Variants in SHLD2 observed in about 807,000 individuals in gnomAD.
SHLD2 encodes RINN1-REV7-interacting novel NHEJ regulator 2.
Under a neutral mutation model 73.2 loss-of-function variants are expected in SHLD2, and 30 were observed. That is an observed-to-expected ratio of 0.41 (90% CI 0.31 to 0.56). The LOEUF (loss-of-function observed/expected upper bound fraction) is 0.56. Among genes scored for constraint, SHLD2 ranks in the 20% least tolerant of loss-of-function variants. The pLI is 0.28. For synonymous variants in SHLD2, 285 were observed against 370.1 expected, an observed-to-expected ratio of 0.77 and a Z score of 2.64; for missense variants, 745 against 1,055.9, an observed-to-expected ratio of 0.71 and a Z score of 4.08.
At chr10:87,114,618 A>C (rs1309122440) in intron 2 of SHLD2, among the ~76,000 whole-genome samples, 2 of 152,100 alleles carry the variant, frequency 1.3e-5, no homozygotes, top group Non-Finnish European at 2.9e-5. Flanking sequence ...CCAGCTACTC[A>C]GGAGATTGAG....
At chr10:87,123,181 A>G (rs1843744212) in intron 2 of SHLD2, among the ~76,000 whole-genome samples, 1 of 152,392 alleles carries the variant, frequency 6.6e-6, no homozygotes, top group East Asian at 1.9e-4. Context: ...TGCTGAGATT[A>G]CAGGCATGAG....
intron 2 of SHLD2, among the ~76,000 whole-genome samples, chr10:87,121,398 C>T (rs1211592804): frequency 1.3e-5 from 2 of 152,110 alleles, no homozygotes; most frequent in Middle Eastern, 3.2e-3. Flanking sequence ...GTTGGGATTA[C>T]AGGTGAGAGC....
intron 3 of SHLD2, among the ~76,000 whole-genome samples, chr10:87,155,223 C>T (rs1846325867): frequency 6.6e-6 from 1 of 152,350 alleles, no homozygotes; most frequent in African/African-American, 2.4e-5. Context: ...GCGTGAGCCA[C>T]CGCACCCGGC....
intron 8 of SHLD2, among the ~76,000 whole-genome samples, chr10:87,183,058 C>T (rs550815517): frequency 3.9e-5 from 6 of 152,148 alleles, no homozygotes; most frequent in South Asian, 4.1e-4. Context: ...TGCAGAGAAG[C>T]GGTAAGAGGC....
chr10:87,162,971 C>A (rs928309855), intron 4 of SHLD2, among the ~76,000 whole-genome samples: 1 of 152,134 alleles, frequency 6.6e-6, no homozygotes, highest in Non-Finnish European at 1.5e-5. Context: ...AATCCCACTT[C>A]TAGGAATCTA....
chr10:87,123,934 G>A (rs961749680), intron 2 of SHLD2, among the ~76,000 whole-genome samples: 6 of 152,128 alleles, frequency 3.9e-5, no homozygotes, highest in South Asian at 4.1e-4. Flanking sequence ...TAATACAGAG[G>A]ACTAGAGTTT....
Position 87,191,127 on chromosome 10 carries a change from G to C in SHLD2, c.*444G>C, listed in dbSNP as rs1849038428. The C allele has an allele frequency of 5.2e-6, 1 of 193,810 alleles. No homozygotes were observed. Among genetic ancestry groups the C allele is most frequent in the Admixed American group, 5.3e-5 (1 of 18,774 alleles). The allele number at this position is 193,810 out of a possible 1,614,324, so 12.0% of individuals were successfully genotyped here. On this transcript the variant is annotated 3_prime_UTR_variant, in exon 10 of 10. Coordinates refer to ENST00000298786, the MANE Select transcript of SHLD2 (RefSeq NM_001330112.2). ...CTTGATTATAACTATAATGATAATG[G>C]ATTAGTTTATATAAACCTATGTTTA...
At chr10:87,100,867 A>G (rs1304121962) in intron 2 of SHLD2, among the ~76,000 whole-genome samples, 4 of 152,106 alleles carry the variant, frequency 2.6e-5, no homozygotes, top group Non-Finnish European at 1.5e-5. Context: ...CTATCTCCAT[A>G]TGAATTAGGA....
chr10:87,108,989 C>T (rs966962301), intron 2 of SHLD2, among the ~76,000 whole-genome samples: 25 of 152,182 alleles, frequency 1.6e-4, no homozygotes, highest in African/African-American at 5.8e-4. Flanking sequence ...GTCCCTGCTA[C>T]TACTGTAGCC....
intron 8 of SHLD2, among the ~76,000 whole-genome samples, chr10:87,185,617 G>A (rs986221173): frequency 7.9e-5 from 12 of 152,124 alleles, no homozygotes; most frequent in African/African-American, 2.4e-4. Context: ...CTTTCGGGTC[G>A]TATCTAAGAA....
chr10:87,109,439 T>C (rs1842794687), intron 2 of SHLD2, among the ~76,000 whole-genome samples: 1 of 151,984 alleles, frequency 6.6e-6, no homozygotes, highest in African/African-American at 2.4e-5. Flanking sequence ...GCTGGGATTA[T>C]AGGCGCTTCT....
In SHLD2 at chr10:87,110,376, G is replaced by A. The variant is rs538308198; in HGVS notation, c.-6+13387G>A. On this transcript the variant is annotated intron_variant, in intron 2 of 9. Coordinates refer to ENST00000298786, the MANE Select transcript of SHLD2 (RefSeq NM_001330112.2). ...TGTAATCCCAGCACTTTGGGAGGCC[G>A]AGGCGGGCGGATCACAAGGTCAAGA... Among the ~76,000 whole-genome samples, 9 of 152,176 alleles carry A rather than the reference G, an allele frequency of 5.9e-5. No individual in the cohort carries two copies. The South Asian group carries it at 1.9e-3, about 32-fold the overall frequency.
chr10:87,133,658 G>A (rs2476272), intron 2 of SHLD2, among the ~76,000 whole-genome samples: 2 of 152,190 alleles, frequency 1.3e-5, no homozygotes, highest in African/African-American at 4.8e-5. Context: ...CAGGAAGCAC[G>A]AAGTGTACAC....
At chr10:87,137,154 G>T (rs1399379655) in intron 2 of SHLD2, among the ~76,000 whole-genome samples, 1 of 152,120 alleles carries the variant, frequency 6.6e-6, no homozygotes, top group African/African-American at 2.4e-5. Context: ...AGTAGAAGAA[G>T]ACCCAGAGAT....
chr10:87,106,296 T>C (rs2133969095), intron 2 of SHLD2, among the ~76,000 whole-genome samples: 1 of 152,320 alleles, frequency 6.6e-6, no homozygotes, highest in South Asian at 2.1e-4. Context: ...TGAGCCACTG[T>C]TCCCGGCCAG....
At chr10:87,159,194 TAAAG>T (rs551794093) in intron 4 of SHLD2, among the ~76,000 whole-genome samples, 57 of 152,282 alleles carry the variant, frequency 3.7e-4, no homozygotes, top group Admixed American at 1.9e-3. Context: ...TTTGAATTCT[TAAAG>T]AAAGGCAGAG....
intron 2 of SHLD2, among the ~76,000 whole-genome samples, chr10:87,111,661 A>AG (rs1564579667): frequency 6.7e-6 from 1 of 148,898 alleles, no homozygotes; most frequent in African/African-American, 2.5e-5. Context: ...AAAAAAAAAA[A>AG]GAAGTGGGGT....
chr10:87,165,962 A>G (rs1347302462), intron 4 of SHLD2, among the ~76,000 whole-genome samples: 1 of 152,194 alleles, frequency 6.6e-6, no homozygotes, highest in African/African-American at 2.4e-5. Context: ...ATAGGTACAA[A>G]GAAAGCTTTT....
chr10:87,107,621 A>G (rs1018218149), intron 2 of SHLD2, among the ~76,000 whole-genome samples: 1 of 152,226 alleles, frequency 6.6e-6, no homozygotes, highest in South Asian at 2.1e-4. Flanking sequence ...ACTGTGATAC[A>G]GAAAAGACCT....
Sources: gnomAD v4.1 joint callset for allele counts (sites outside exome capture counted in the v4.1 genomes callset) on GRCh38, gnomAD v4.1.1 for gene constraint, MANE v1.5 for transcripts, NCBI Gene and HGNC (gene_info 2026-07-23, HGNC 2026-07-21) for gene names.